HDAC9: variants seen among roughly 807,000 people sequenced by gnomAD.
HDAC9 encodes the protein MEF-2 interacting transcription repressor (MITR) protein.
In HDAC9, 41 loss-of-function variants were observed where a neutral mutation model predicts 139.4. That is an observed-to-expected ratio of 0.29 (90% confidence interval 0.23 to 0.38). HDAC9 has a LOEUF of 0.38. Among genes scored for constraint, HDAC9 ranks in the 10% least tolerant of loss-of-function variants. HDAC9 has a pLI of 1.00. For synonymous variants in HDAC9, 517 were observed against 476.2 expected, an observed-to-expected ratio of 1.09 and a Z score of -1.12; for missense variants, 1,147 against 1,297.0, an observed-to-expected ratio of 0.88 and a Z score of 1.78.
chr7:18,920,539 G>A (rs922586496), intron 22 of HDAC9, among the ~76,000 whole-genome samples: 26 of 152,118 alleles, frequency 1.7e-4, no homozygotes, highest in African/African-American at 6.3e-4. Context: ...TGTTGAGTAG[G>A]AGTGGTGAGA....
chr7:18,994,246 G>GA (rs1786269602), intron 25 of HDAC9, among the ~76,000 whole-genome samples: 1 of 152,062 alleles, frequency 6.6e-6, no homozygotes, highest in Admixed American at 6.5e-5. Context: ...TTAGAAATTG[G>GA]AAAAATCGGT....
intron 14 of HDAC9, among the ~76,000 whole-genome samples, chr7:18,759,764 T>G (rs988933899): frequency 3.3e-5 from 5 of 152,168 alleles, no homozygotes; most frequent in Non-Finnish European, 7.3e-5. Context: ...GTGAATCTCG[T>G]TAGCAGATGA....
intron 12 of HDAC9, among the ~76,000 whole-genome samples, chr7:18,670,525 T>G (rs1199767603): frequency 6.6e-6 from 1 of 152,106 alleles, no homozygotes; most frequent in Non-Finnish European, 1.5e-5. Context: ...GCGCAAGCAC[T>G]TCATATCTAT....
chr7:18,851,685 C>T (rs766343494), intron 21 of HDAC9, among the ~76,000 whole-genome samples: 6 of 152,240 alleles, frequency 3.9e-5, no homozygotes, highest in Non-Finnish European at 5.9e-5. Flanking sequence ...CACATTTGTA[C>T]GATGTGCTTT....
chr7:18,972,642 A>G (rs1784317996), intron 24 of HDAC9, among the ~76,000 whole-genome samples: 1 of 151,954 alleles, frequency 6.6e-6, no homozygotes. Context: ...CAGCCTCCCA[A>G]AGTGCTGGGA....
intron 1 of HDAC9, among the ~76,000 whole-genome samples, chr7:18,483,023 GA>G (rs1271820933): frequency 6.6e-6 from 1 of 152,014 alleles, no homozygotes; most frequent in Non-Finnish European, 1.5e-5. Context: ...GCTATATTAA[GA>G]ATTAGCAAAA....
At chr7:18,835,387 G>T in intron 19 of HDAC9, 80 bp from the exon 20 acceptor site, 1 of 1,403,272 alleles carries the variant, frequency 7.1e-7, no homozygotes. Context: ...TAGAAAGACA[G>T]GGAACTAGAA....
chr7:18,604,095 G>A lies in HDAC9; in HGVS notation c.664+10066G>A, dbSNP rs1048043328. ...TTTGAACATGATATGTCTCGATACTGAGTTTTTGGTATTTATATTGTTTCA... is the reference window on the plus strand; with the variant it reads ...TTTGAACATGATATGTCTCGATACTAAGTTTTTGGTATTTATATTGTTTCA... On this transcript the variant is annotated intron_variant, in intron 6 of 25. Coordinates refer to ENST00000686413, the MANE Select transcript of HDAC9 (RefSeq NM_178425.4). 4.1e-4 allele frequency among the ~76,000 whole-genome samples: 63 copies of A among 151,934 alleles called. 2 individuals carry two copies. Among genetic ancestry groups the A allele is most frequent in the East Asian group, 5.8e-4 (3 of 5,192 alleles).
chr7:18,771,685 T>C (rs1275829809), intron 16 of HDAC9, among the ~76,000 whole-genome samples: 2 of 152,082 alleles, frequency 1.3e-5, no homozygotes, highest in African/African-American at 4.8e-5. Context: ...CCTTCACATT[T>C]ATTCTCCCCA....
intron 1 of HDAC9, among the ~76,000 whole-genome samples, chr7:18,364,232 C>G (rs1326758886): frequency 6.6e-6 from 1 of 152,074 alleles, no homozygotes; most frequent in Non-Finnish European, 1.5e-5. Flanking sequence ...GGCTGAATCC[C>G]TGTTCTAATC....
At chr7:18,106,446 C>A (rs1783207898) in intron 1 of HDAC9, among the ~76,000 whole-genome samples, 1 of 151,914 alleles carries the variant, frequency 6.6e-6, no homozygotes, top group African/African-American at 2.4e-5. Context: ...TCTTATTATC[C>A]ATGCACACAT....
chr7:18,764,511 A>T (rs1490427386), intron 15 of HDAC9, among the ~76,000 whole-genome samples: 5 of 152,132 alleles, frequency 3.3e-5, no homozygotes, highest in Non-Finnish European at 7.4e-5. Context: ...AAGTTTAGCT[A>T]ATTTTTCTCA....
intron 22 of HDAC9, among the ~76,000 whole-genome samples, chr7:18,924,224 T>C (rs1482534866): frequency 6.6e-6 from 1 of 152,102 alleles, no homozygotes; most frequent in East Asian, 1.9e-4. Context: ...TTTGCAAATA[T>C]TCTTTAAGTA....
chr7:18,212,010 G>A (rs1314740276), intron 2 of HDAC9, among the ~76,000 whole-genome samples: 2 of 152,136 alleles, frequency 1.3e-5, no homozygotes, highest in Non-Finnish European at 2.9e-5. Context: ...ATTTGTTCAC[G>A]TTGCTCAGTG....
At chr7:18,452,855 C>G (rs570359764) in intron 1 of HDAC9, among the ~76,000 whole-genome samples, 35 of 152,278 alleles carry the variant, frequency 2.3e-4, no homozygotes, top group African/African-American at 7.7e-4. Context: ...CTCCTTTAAA[C>G]CTCCTTTCCT....
rs1349462490 is a variant in HDAC9 at position 18,541,223 on chromosome 7, T to G, written c.23-44058T>G. ...GTTTTTTTCTGGAAGCAGATAGCCT[T>G]TGCCATGCCTTCCAGTTGGCACCTT... On this transcript the variant is annotated intron_variant, in intron 2 of 25. Transcript: ENST00000686413. Among the ~76,000 whole-genome samples, 10 of 137,616 alleles carry G rather than the reference T, an allele frequency of 7.3e-5. No homozygotes were observed. The East Asian group carries it at 2.4e-3, about 33-fold the overall frequency. 90.3% of individuals were successfully genotyped at this position (137,616 alleles called of 152,430 possible).
intron 1 of HDAC9, among the ~76,000 whole-genome samples, chr7:18,350,918 CG>C (rs150944101): frequency 0.013 from 2,042 of 152,226 alleles, 46 homozygotes; most frequent in African/African-American, 0.047. Flanking sequence ...TGAACCCAGC[CG>C]CTGGGTAGCT....
At chr7:18,758,419 C>G (rs577045252) in intron 14 of HDAC9, among the ~76,000 whole-genome samples, 5 of 151,892 alleles carry the variant, frequency 3.3e-5, no homozygotes, top group Admixed American at 1.3e-4. Context: ...CTCAAGAGAG[C>G]CTTGAGAGAG....
At chr7:18,724,244 G>T (rs1288715440) in intron 12 of HDAC9, among the ~76,000 whole-genome samples, 1 of 151,918 alleles carries the variant, frequency 6.6e-6, no homozygotes, top group Non-Finnish European at 1.5e-5. Context: ...TAATTACATT[G>T]TTGTACGAAC....
Sources: gnomAD v4.1 joint callset for allele counts (sites outside exome capture counted in the v4.1 genomes callset) on GRCh38, gnomAD v4.1.1 for gene constraint, MANE v1.5 for transcripts, NCBI Gene and HGNC (gene_info 2026-07-23, HGNC 2026-07-21) for gene names.